Variants in RNF130 observed in about 807,000 individuals in gnomAD.
RNF130 encodes the protein E3 ubiquitin-protein ligase RNF130.
RNF130 carries 21 observed loss-of-function variants against 44.6 expected under a neutral mutation model. That is an observed-to-expected ratio of 0.47 (90% CI 0.33 to 0.68). The LOEUF is 0.68. RNF130 is among the 30% of genes least tolerant of loss of function. The probability of loss-of-function intolerance (pLI) is 0.02; values close to 1 mark genes in which losing one functional copy is unlikely to be tolerated. For synonymous variants in RNF130, 214 were observed against 210.4 expected (o/e 1.02, Z -0.15); for missense variants, 479 against 560.6 (o/e 0.85, Z 1.47).
intron 5 of RNF130, 94 bp from the exon 6 acceptor site, chr5:179,970,600 T>C: frequency 1.1e-6 from 1 of 893,676 alleles, no homozygotes; most frequent in Non-Finnish European, 1.7e-6. Context: ...TAAGTTTTCT[T>C]TTCCCCCTTT....
chr5:180,067,894 G>A (rs572653625), intron 1 of RNF130, among the ~76,000 whole-genome samples: 28 of 152,210 alleles, frequency 1.8e-4, no homozygotes, highest in African/African-American at 6.3e-4. Flanking sequence ...TCTAAAAACC[G>A]ATTTCAGATT....
chr5:179,957,553 A>G (rs955117884), intron 8 of RNF130, among the ~76,000 whole-genome samples: 1 of 152,232 alleles, frequency 6.6e-6, no homozygotes, highest in Non-Finnish European at 1.5e-5. Context: ...ATTATTTGGC[A>G]CTATCCTCCT....
chr5:179,927,529 C>G (rs1761722182), intron 7 of RNF130, among the ~76,000 whole-genome samples: 1 of 151,912 alleles, frequency 6.6e-6, no homozygotes, highest in Non-Finnish European at 1.5e-5. Flanking sequence ...ACTATGTCCT[C>G]TCTCCCCCGC....
chr5:180,036,110 A>G (rs890138751), intron 2 of RNF130, among the ~76,000 whole-genome samples: 1 of 152,192 alleles, frequency 6.6e-6, no homozygotes, highest in Non-Finnish European at 1.5e-5. Flanking sequence ...TTGAAAAGTG[A>G]ACATTTTAGA....
chr5:179,965,241 G>A (rs940925030), intron 7 of RNF130, among the ~76,000 whole-genome samples: 5 of 152,140 alleles, frequency 3.3e-5, no homozygotes, highest in Admixed American at 6.5e-5. Context: ...CCCTGCAGCC[G>A]GCCTGGCTAC....
intron 2 of RNF130, among the ~76,000 whole-genome samples, chr5:180,030,498 C>T (rs1026274070): frequency 6.6e-6 from 1 of 152,192 alleles, no homozygotes; most frequent in Non-Finnish European, 1.5e-5. Context: ...AGAAAATTCA[C>T]TCACGCCGTT....
At chr5:179,946,220 C>T (rs1017902375) in intron 7 of RNF130, among the ~76,000 whole-genome samples, 2 of 152,226 alleles carry the variant, frequency 1.3e-5, no homozygotes, top group Admixed American at 1.3e-4. Flanking sequence ...AGCAAGCAAG[C>T]ATTCGTGCGT....
At chr5:179,930,256 C>A (rs1486434567) in intron 7 of RNF130, among the ~76,000 whole-genome samples, 1 of 152,106 alleles carries the variant, frequency 6.6e-6, no homozygotes, top group Non-Finnish European at 1.5e-5. Context: ...TGGGGTTTCA[C>A]CACGTTGGTC....
chr5:179,974,241 C>T, intron 5 of RNF130, among the ~76,000 whole-genome samples: 1 of 152,188 alleles, frequency 6.6e-6, no homozygotes, highest in Non-Finnish European at 1.5e-5. Flanking sequence ...CGGCCGGCCC[C>T]CCGCTTTAGC....
intron 1 of RNF130, among the ~76,000 whole-genome samples, chr5:180,067,293 T>C (rs1393377759): frequency 2.0e-5 from 3 of 152,192 alleles, no homozygotes; most frequent in East Asian, 1.9e-4. Context: ...TAAAGCTATA[T>C]AGCCCATCAT....
intron 7 of RNF130, among the ~76,000 whole-genome samples, chr5:179,966,074 A>T (rs1341550275): frequency 1.3e-5 from 2 of 152,206 alleles, no homozygotes; most frequent in Non-Finnish European, 2.9e-5. Flanking sequence ...AGCGAAGAGA[A>T]GAGCTGGCTT....
intron 2 of RNF130, among the ~76,000 whole-genome samples, chr5:180,028,591 G>T (rs1224959280): frequency 6.6e-6 from 1 of 152,044 alleles, no homozygotes; most frequent in East Asian, 1.9e-4. Context: ...CACTACAGCT[G>T]ATCCCGCTAC....
At chr5:180,056,472 T>C (rs1440143248) in intron 1 of RNF130, among the ~76,000 whole-genome samples, 2 of 152,030 alleles carry the variant, frequency 1.3e-5, no homozygotes, top group Non-Finnish European at 2.9e-5. Context: ...GACCCAGTAA[T>C]TACTTAGATA....
intron 7 of RNF130, among the ~76,000 whole-genome samples, chr5:179,942,608 AAG>A (rs1284091640): frequency 2.0e-5 from 3 of 152,204 alleles, no homozygotes; most frequent in Non-Finnish European, 2.9e-5. Flanking sequence ...CGGATGCAAA[AAG>A]AGAACAGAAT....
chr5:179,949,267 ATT>A (rs770299135), intron 7 of RNF130, among the ~76,000 whole-genome samples: 7 of 143,458 alleles, frequency 4.9e-5, no homozygotes, highest in Admixed American at 7.0e-5. Flanking sequence ...TGCCCAGACA[ATT>A]TTTTTTTTTT....
intron 2 of RNF130, among the ~76,000 whole-genome samples, chr5:180,035,153 A>G (rs549523859): frequency 6.6e-6 from 1 of 152,172 alleles, no homozygotes; most frequent in South Asian, 2.1e-4. Context: ...TTGTTTACTG[A>G]CCTAGGTATT....
intron 1 of RNF130, among the ~76,000 whole-genome samples, chr5:180,059,534 C>T (rs1304636561): frequency 6.6e-6 from 1 of 152,144 alleles, no homozygotes; most frequent in Non-Finnish European, 1.5e-5. Context: ...AGCTGTCCCA[C>T]AGGAATTTAG....
At chr5:179,944,775 C>A (rs1177563083) in intron 7 of RNF130, among the ~76,000 whole-genome samples, 10 of 151,936 alleles carry the variant, frequency 6.6e-5, no homozygotes, top group Non-Finnish European at 1.2e-4. Context: ...AAAAAGTTCA[C>A]ATGGAGTAGG....
chr5:179,937,904 C>CTGTGTG (rs757837790), intron 7 of RNF130, among the ~76,000 whole-genome samples: 17,323 of 118,556 alleles, frequency 0.15, 1,778 homozygotes, highest in East Asian at 0.3. Context: ...TTCAATGAAT[C>CTGTGTG]TGTGTGTGTG....
Sources: allele counts gnomAD v4.1 joint callset (sites outside exome capture counted in the v4.1 genomes callset), GRCh38; gene constraint gnomAD v4.1.1; transcripts MANE v1.5; gene names NCBI Gene and HGNC (gene_info 2026-07-23, HGNC 2026-07-21).